The following KCNT2 variants were observed in gnomAD, a reference collection of about 807,000 sequenced individuals.
KCNT2 encodes potassium sodium-activated channel subfamily T member 2, also known as potassium channel subfamily T member 2.
In KCNT2, 67 loss-of-function variants were observed where a neutral mutation model predicts 153.8. The observed-to-expected ratio is 0.44, with a 90% CI of 0.36 to 0.53. The LOEUF (loss-of-function observed/expected upper bound fraction) is 0.53. KCNT2 is among the 20% of genes least tolerant of loss of function. The probability of loss-of-function intolerance (pLI) is 0.00; values close to 1 mark genes in which losing one functional copy is unlikely to be tolerated. For missense variants in KCNT2, 975 were observed against 1,354.8 expected (o/e 0.72, Z 4.40); for synonymous variants, 500 against 458.8 (o/e 1.09, Z -1.15).
At chr1:196,389,010 C>A (rs1308547964) in intron 13 of KCNT2, among the ~76,000 whole-genome samples, 1 of 151,642 alleles carries the variant, frequency 6.6e-6, no homozygotes, top group Non-Finnish European at 1.5e-5. Flanking sequence ...TATGATGTTG[C>A]TTTTCTTCTA....
At chr1:196,269,922 G>T (rs1454238818) in intron 25 of KCNT2, among the ~76,000 whole-genome samples, 1 of 152,002 alleles carries the variant, frequency 6.6e-6, no homozygotes, top group Non-Finnish European at 1.5e-5. Context: ...GTGGTGTTCA[G>T]AAATTTATTT....
chr1:196,460,165 A>G (rs965221223), intron 8 of KCNT2, among the ~76,000 whole-genome samples: 2 of 151,828 alleles, frequency 1.3e-5, no homozygotes, highest in African/African-American at 4.8e-5. Flanking sequence ...CATTTCTATA[A>G]GGTATGTGCG....
At chr1:196,393,909 G>T (rs968516081) in intron 13 of KCNT2, among the ~76,000 whole-genome samples, 2 of 151,372 alleles carry the variant, frequency 1.3e-5, no homozygotes, top group African/African-American at 4.8e-5. Flanking sequence ...ACACATTTTT[G>T]TATTAGTCAT....
intron 3 of KCNT2, among the ~76,000 whole-genome samples, chr1:196,488,880 T>C (rs906507729): frequency 2.8e-4 from 42 of 151,942 alleles, no homozygotes; most frequent in African/African-American, 9.9e-4. Context: ...AATGGTAAAA[T>C]CAAGGGCAAT....
chr1:196,294,352 T>C (rs1031240140), intron 22 of KCNT2, among the ~76,000 whole-genome samples: 5 of 152,128 alleles, frequency 3.3e-5, no homozygotes, highest in African/African-American at 1.2e-4. Flanking sequence ...CTCAGCTCAT[T>C]GCAACCTCCA....
intron 13 of KCNT2, among the ~76,000 whole-genome samples, chr1:196,376,668 G>T (rs888256921): frequency 1.6e-4 from 25 of 151,696 alleles, no homozygotes; most frequent in African/African-American, 5.6e-4. Context: ...TACATAATTT[G>T]GGTCACTCTT....
intron 1 of KCNT2, among the ~76,000 whole-genome samples, chr1:196,493,657 A>C (rs555918434): frequency 3.9e-5 from 6 of 152,244 alleles, no homozygotes; most frequent in Non-Finnish European, 8.8e-5. Flanking sequence ...TGCATCCATC[A>C]ATCTGTCATC....
chr1:196,531,288 C>T (rs1049175113), intron 1 of KCNT2, among the ~76,000 whole-genome samples: 1 of 151,962 alleles, frequency 6.6e-6, no homozygotes, highest in African/African-American at 2.4e-5. Flanking sequence ...TCACAGACTT[C>T]CAAAAGGACA....
chr1:196,406,355 T>C (rs950342611), intron 12 of KCNT2, among the ~76,000 whole-genome samples: 1 of 151,516 alleles, frequency 6.6e-6, no homozygotes, highest in African/African-American at 2.4e-5. Flanking sequence ...ATACTTATTT[T>C]AAATACAAAA....
intron 1 of KCNT2, among the ~76,000 whole-genome samples, chr1:196,561,538 C>A (rs1659384043): frequency 6.7e-6 from 1 of 150,136 alleles, no homozygotes; most frequent in African/African-American, 2.4e-5. Flanking sequence ...GTATCTGAGA[C>A]AAGTTTCAAT....
intron 13 of KCNT2, among the ~76,000 whole-genome samples, chr1:196,396,667 C>T (rs1021129478): frequency 6.6e-6 from 1 of 151,408 alleles, no homozygotes; most frequent in African/African-American, 2.4e-5. Context: ...TAATCTCAGT[C>T]ATAAAAGAAT....
At chr1:196,328,495 A>T (rs555036618) in intron 18 of KCNT2, among the ~76,000 whole-genome samples, 1 of 152,216 alleles carries the variant, frequency 6.6e-6, no homozygotes, top group African/African-American at 2.4e-5. Context: ...TGTGATGAAA[A>T]ATCAAATGAG....
intron 21 of KCNT2, among the ~76,000 whole-genome samples, chr1:196,313,353 A>C (rs1362365236): frequency 2.0e-5 from 3 of 151,672 alleles, no homozygotes; most frequent in Non-Finnish European, 4.4e-5. Flanking sequence ...TATGACCATG[A>C]GAATGGGTGG....
chr1:196,401,815 A>T (rs1277562177), intron 12 of KCNT2, among the ~76,000 whole-genome samples: 2 of 151,696 alleles, frequency 1.3e-5, no homozygotes. Flanking sequence ...TGTAGAAGAC[A>T]TACACTTATA....
intron 17 of KCNT2, among the ~76,000 whole-genome samples, chr1:196,332,261 T>A (rs1446927358): frequency 1.3e-5 from 2 of 152,172 alleles, no homozygotes; most frequent in Non-Finnish European, 2.9e-5. Flanking sequence ...CTTTCGTTTT[T>A]CTAGAAATAA....
chr1:196,253,896 ACATGTGC>A (rs987195968), intron 26 of KCNT2, among the ~76,000 whole-genome samples: 4 of 151,566 alleles, frequency 2.6e-5, no homozygotes, highest in South Asian at 2.1e-4. Context: ...TTTTTCCTAC[ACATGTGC>A]CAAAACACAG....
At chr1:196,576,013 C>T (rs1661334253) in intron 1 of KCNT2, among the ~76,000 whole-genome samples, 1 of 147,840 alleles carries the variant, frequency 6.8e-6, no homozygotes, top group South Asian at 2.1e-4. Flanking sequence ...GAGATCATAA[C>T]TAACATCTAA....
At chr1:196,369,571 T>A (rs10399831) in intron 14 of KCNT2, among the ~76,000 whole-genome samples, 2 of 150,974 alleles carry the variant, frequency 1.3e-5, no homozygotes, top group African/African-American at 4.9e-5. Flanking sequence ...TGAGAATATG[T>A]GGTGTTTGGT....
At chr1:196,434,425 C>T (rs531801989) in intron 8 of KCNT2, among the ~76,000 whole-genome samples, 4 of 151,832 alleles carry the variant, frequency 2.6e-5, no homozygotes, top group Admixed American at 6.6e-5. Context: ...TAGACCTAAA[C>T]TACCAAAAAA....
Sources: gnomAD v4.1 joint callset for allele counts (sites outside exome capture counted in the v4.1 genomes callset) on GRCh38, gnomAD v4.1.1 for gene constraint, MANE v1.5 for transcripts, NCBI Gene and HGNC (gene_info 2026-07-23, HGNC 2026-07-21) for gene names.